CASZ1: variants seen among roughly 807,000 people sequenced by gnomAD.
The protein encoded by CASZ1 is castor zinc finger 1.
A neutral mutation model predicts 135.2 loss-of-function variants in CASZ1; 28 were observed. The ratio of observed to expected loss-of-function variants is 0.21; its 90% CI spans 0.15 to 0.28. The LOEUF is 0.28. Among genes scored for constraint, CASZ1 ranks in the 10% least tolerant of loss-of-function variants. CASZ1 has a pLI of 1.00. For missense variants in CASZ1, 2,161 were observed against 2,453.3 expected (o/e 0.88, Z 2.52); for synonymous variants, 1,068 against 1,073.4 (o/e 0.99, Z 0.10).
Position 10,739,078 on chromosome 1 carries a change from T to A in CASZ1, c.-77+21623A>T, listed in dbSNP as rs1478267816. On this transcript the variant is annotated intron_variant, in intron 2 of 20. Coordinates refer to ENST00000377022, the MANE Select transcript of CASZ1 (RefSeq NM_001079843.3). The surrounding 1 kb of genome is among the most constrained non-coding windows in gnomAD (Gnocchi z 4.8). ...CTCTGCTTCTTATTGAGTTCTTTTT[T>A]AAAATTTTGCTGGGGGTCCGGGGGA... Among the ~76,000 whole-genome samples, 1 of 152,128 alleles carries A rather than the reference T, an allele frequency of 6.6e-6. No individual in the cohort carries two copies. Among genetic ancestry groups the A allele is most frequent in the Admixed American group, 6.6e-5 (1 of 15,262 alleles).
rs1446811204 is a variant in CASZ1, at chr1:10,747,850, T to C, written c.-77+12851A>G. 6.7e-6 allele frequency among the ~76,000 whole-genome samples: 1 copy of C among 149,590 alleles called. No homozygotes were observed. Among genetic ancestry groups the C allele is most frequent in the Non-Finnish European group, 1.5e-5 (1 of 67,674 alleles). Reference sequence around the variant, plus strand: ...TTTTTTTTTTGAGATGGAGTCTCGCTCTGCCGCCCAGGCTGGAGTGCAGTG... The same window carrying C: ...TTTTTTTTTTGAGATGGAGTCTCGCCCTGCCGCCCAGGCTGGAGTGCAGTG... On this transcript the variant is annotated intron_variant, in intron 2 of 20. Transcript: ENST00000377022. This position sits in a 1 kb window ranked among gnomAD's most constrained non-coding sequence, Gnocchi z 4.3.
chr1:10,685,556 T>G (rs1638558989), intron 4 of CASZ1, among the ~76,000 whole-genome samples: 1 of 152,228 alleles, frequency 6.6e-6, no homozygotes, highest in East Asian at 1.9e-4. Flanking sequence ...GACACAGACC[T>G]GGGTGAGTTT....
rs1453257784 is a variant in CASZ1 at position 10,651,086 on chromosome 1, AG to A, written c.2681-11del. On this transcript the variant is annotated splice_polypyrimidine_tract_variant and intron_variant, in intron 11 of 20. Transcript: ENST00000377022. ...ACCTGCTGCCCGCTTCCTGCAGGGGAGGGGTGGGAAGATGCGTCAGAGGGGC... is the reference window on the plus strand; with the variant it reads ...ACCTGCTGCCCGCTTCCTGCAGGGGAGGGTGGGAAGATGCGTCAGAGGGGC... 5 of 1,494,936 alleles carry A rather than the reference AG, an allele frequency of 3.3e-6. No individual in the cohort carries two copies. In the African/African-American group the frequency reaches 4.3e-5, roughly 13 times the overall value. 92.6% of individuals were successfully genotyped at this position (1,494,936 alleles called of 1,614,324 possible). A position where few individuals can be genotyped will look rare whatever the true frequency, so the allele number is the denominator to read the frequency against.
chr1:10,663,051 G>A (rs1643101249), intron 5 of CASZ1, among the ~76,000 whole-genome samples: 3 of 152,326 alleles, frequency 2.0e-5, no homozygotes, highest in Non-Finnish European at 4.4e-5. Context: ...AGGTGCACCC[G>A]CGAGACTGAG....
intron 20 of CASZ1, among the ~76,000 whole-genome samples, chr1:10,641,343 T>C (rs1642193945): frequency 6.6e-6 from 1 of 152,198 alleles, no homozygotes; most frequent in South Asian, 2.1e-4. Context: ...GGCTCGGCCC[T>C]GCCCTGGCCA....
chr1:10,715,341 T>G (rs1420665862), intron 2 of CASZ1, among the ~76,000 whole-genome samples: 2 of 152,184 alleles, frequency 1.3e-5, no homozygotes, highest in East Asian at 3.9e-4. Context: ...GAAGCAGTCC[T>G]GTACCCGCGC....
chr1:10,751,677 C>T (rs552301820), intron 2 of CASZ1, among the ~76,000 whole-genome samples: 19 of 152,322 alleles, frequency 1.2e-4, no homozygotes, highest in East Asian at 5.8e-4. Context: ...GCTCGGGAAG[C>T]GGAAGAGGTT....
chr1:10,770,373 T>C (rs1244357697), intron 1 of CASZ1, among the ~76,000 whole-genome samples: 1 of 152,194 alleles, frequency 6.6e-6, no homozygotes, highest in Non-Finnish European at 1.5e-5. Flanking sequence ...GTGTGAGCTG[T>C]CGAACCTGGC....
intron 1 of CASZ1, among the ~76,000 whole-genome samples, chr1:10,796,277 GC>G (rs1641069458): frequency 6.6e-6 from 1 of 151,988 alleles, no homozygotes; most frequent in East Asian, 1.9e-4. Context: ...GGAGCCGCGC[GC>G]CGGGCATTCC....
chr1:10,645,181 A>G (rs1035532986), intron 17 of CASZ1, 93 bp from the exon 18 acceptor site: 124 of 1,080,598 alleles, frequency 1.1e-4, no homozygotes, highest in Non-Finnish European at 1.6e-4. Context: ...CCCTTGGCAC[A>G]TGTGTTCTTC....
At position 10,759,516 on chromosome 1, in the gene CASZ1, G is replaced by T. The variant is rs1458063217; in HGVS notation, c.-77+1185C>A. Among the ~76,000 whole-genome samples the T allele has an allele frequency of 5.3e-5, 8 of 152,232 alleles. No homozygotes were observed. The highest frequency in any genetic ancestry group is 2.9e-5 in the Non-Finnish European group (2 of 68,010). ...AGTTGCCCCACCACAGCGACCAAAGGCCACATTTGCATCTGATTTGCAAAT... is the reference window on the plus strand; with the variant it reads ...AGTTGCCCCACCACAGCGACCAAAGTCCACATTTGCATCTGATTTGCAAAT... On this transcript the variant is annotated intron_variant, in intron 2 of 20. Coordinates refer to ENST00000377022, the MANE Select transcript of CASZ1 (RefSeq NM_001079843.3). The surrounding 1 kb of genome is among the most constrained non-coding windows in gnomAD (Gnocchi z 4.2).
At chr1:10,645,318 C>T (rs1341918931) in intron 17 of CASZ1, among the ~76,000 whole-genome samples, 1 of 152,240 alleles carries the variant, frequency 6.6e-6, no homozygotes, top group African/African-American at 2.4e-5. Context: ...ATCACGAGAT[C>T]AGGAGATCAA....
At chr1:10,710,987 C>T (rs1436571371) in intron 2 of CASZ1, among the ~76,000 whole-genome samples, 5 of 152,134 alleles carry the variant, frequency 3.3e-5, no homozygotes, top group Admixed American at 6.5e-5. Flanking sequence ...AAATATTAGC[C>T]GGGTGTGGTG....
chr1:10,640,189 C>G, intron 20 of CASZ1, 130 bp from the exon 21 acceptor site: 1 of 1,405,268 alleles, frequency 7.1e-7, no homozygotes, highest in South Asian at 1.4e-5. Context: ...CTCGGCTTCC[C>G]CTGGCTTGGG....
intron 1 of CASZ1, among the ~76,000 whole-genome samples, chr1:10,778,799 G>C (rs1198159191): frequency 2.0e-5 from 3 of 152,156 alleles, no homozygotes; most frequent in Admixed American, 2.0e-4. Flanking sequence ...TAACCCCAGT[G>C]GAAGTGCAAG....
rs1031023255 is a variant in CASZ1, at chr1:10,739,403, T to C, written c.-77+21298A>G. On this transcript the variant is annotated intron_variant, in intron 2 of 20. Coordinates refer to ENST00000377022, the MANE Select transcript of CASZ1 (RefSeq NM_001079843.3). The surrounding 1 kb of genome is among the most constrained non-coding windows in gnomAD (Gnocchi z 4.8). ...CACGGTGAGGAGGAGGAGGACCACA[T>C]GCGCAGGGAAGGGCATGGGGCACAG... is the stretch of plus-strand genomic sequence containing the variant. Among the ~76,000 whole-genome samples, 10 of 151,988 alleles carry C rather than the reference T, an allele frequency of 6.6e-5. No homozygotes were observed. The highest frequency in any genetic ancestry group is 2.4e-4 in the African/African-American group (10 of 41,372).
intron 5 of CASZ1, among the ~76,000 whole-genome samples, chr1:10,663,286 G>A (rs1643110373): frequency 6.6e-6 from 1 of 152,280 alleles, no homozygotes; most frequent in East Asian, 1.9e-4. Flanking sequence ...GACACCTGGC[G>A]GGATGTGGAA....
At chr1:10,651,136 C>G (rs966952632) in intron 11 of CASZ1, 60 bp from the exon 12 acceptor site, 2 of 1,373,214 alleles carry the variant, frequency 1.5e-6, no homozygotes, top group Non-Finnish European at 1.9e-6. Context: ...CGGGCACAGA[C>G]AGCCGCCGTG....
In CASZ1 at chr1:10,648,082, C is replaced by T. The variant is rs542476738; in HGVS notation, c.3216G>A (p.Pro1072=). 191 of 1,579,702 alleles carry T rather than the reference C, an allele frequency of 1.2e-4. 1 individual carries two copies. Among genetic ancestry groups the T allele is most frequent in the South Asian group, 1.1e-3 (98 of 87,078 alleles). The change falls in exon 16 of 21, where the codon CCG becomes CCA. Residue 1072 remains proline (P), a synonymous_variant. Transcript: ENST00000377022. ...AAKGNTEAAF[P]ASAAETKPPM... is the part of the protein sequence containing the mutation. ...GAGGTTTGGTCTCGGCGGCCGAGGCCGGAAAGGCAGCCTCTGTGTTTCCTT... is the reference window on the plus strand; with the variant it reads ...GAGGTTTGGTCTCGGCGGCCGAGGCTGGAAAGGCAGCCTCTGTGTTTCCTT...
Sources: allele counts gnomAD v4.1 joint callset (sites outside exome capture counted in the v4.1 genomes callset), GRCh38; gene constraint gnomAD v4.1.1; non-coding constraint Gnocchi (gnomAD v3.1); transcripts MANE v1.5; gene names NCBI Gene and HGNC (gene_info 2026-07-23, HGNC 2026-07-21).